FAT4: variants seen among roughly 807,000 people sequenced by gnomAD.
FAT4 encodes FAT atypical cadherin 4.
FAT4 carries 84 observed loss-of-function variants against 303.9 expected under a neutral mutation model. The observed-to-expected ratio is 0.28, with a 90% CI of 0.23 to 0.33. The LOEUF is 0.33. FAT4 is among the 10% of genes least tolerant of loss of function. FAT4 has a pLI of 1.00. For missense variants in FAT4, 6,005 were observed against 6,146.8 expected, an observed-to-expected ratio of 0.98 and a Z score of 0.77; for synonymous variants, 2,307 against 2,298.8, an observed-to-expected ratio of 1.00 and a Z score of -0.10.
At chr4:125,456,477 T>C in intron 10 of FAT4, among the ~76,000 whole-genome samples, 1 of 151,994 alleles carries the variant, frequency 6.6e-6, no homozygotes, top group Non-Finnish European at 1.5e-5. Flanking sequence ...TTAAATCAAG[T>C]TTCAAATTCT....
intron 10 of FAT4, among the ~76,000 whole-genome samples, chr4:125,455,302 AATG>A (rs1340543751): frequency 1.3e-5 from 2 of 152,192 alleles, no homozygotes; most frequent in African/African-American, 4.8e-5. Context: ...TTTTAGCATA[AATG>A]ATGAGTAAGT....
chr4:125,325,303 A>G, intron 2 of FAT4, among the ~76,000 whole-genome samples: 1 of 152,148 alleles, frequency 6.6e-6, no homozygotes, highest in East Asian at 1.9e-4. Context: ...TATTGGTGTA[A>G]CTGATAAGGA....
rs1324264672 is a variant in FAT4 at position 125,451,463 on chromosome 4, G to A, written c.10453G>A (p.Val3485Ile). The A allele has an allele frequency of 1.2e-6, 2 of 1,614,010 alleles. No individual in the cohort carries two copies. Among genetic ancestry groups the A allele is most frequent in the Admixed American group, 1.7e-5 (1 of 59,990 alleles). Residue 3485 changes from valine (V) to isoleucine (I), a missense_variant, in exon 10 of 18, where the codon GTT (valine) becomes ATT (isoleucine). Physicochemically the swap from Val to Ile is conservative, Grantham distance 29 (BLOSUM62 3). Transcript: ENST00000394329. ...CATCTATAATCTCTCAGTTTTGGCT[G>A]TTGATTCAGGGACCCCCTCAGCTAC... is the stretch of plus-strand genomic sequence containing the variant. The part of the protein sequence containing the change: ...LPIYNLSVLA[V>I]DSGTPSATGS...
chr4:125,322,629 A>G (rs535116244), intron 2 of FAT4, among the ~76,000 whole-genome samples: 1 of 152,112 alleles, frequency 6.6e-6, no homozygotes, highest in African/African-American at 2.4e-5. Flanking sequence ...CAGACACAAC[A>G]TGCAAGTGAA....
chr4:125,406,494 C>T (rs760754934), intron 3 of FAT4, among the ~76,000 whole-genome samples: 5 of 152,010 alleles, frequency 3.3e-5, no homozygotes, highest in Admixed American at 1.3e-4. Context: ...TTTGTGGTTT[C>T]GTATGAATTT....
intron 8 of FAT4, among the ~76,000 whole-genome samples, chr4:125,439,102 T>C (rs554979133): frequency 6.6e-6 from 1 of 152,314 alleles, no homozygotes; most frequent in Non-Finnish European, 1.5e-5. Context: ...CCTTTAGTAT[T>C]TTCCCTTATA....
At chr4:125,368,879 A>T (rs1269171775) in intron 2 of FAT4, among the ~76,000 whole-genome samples, 5 of 152,144 alleles carry the variant, frequency 3.3e-5, no homozygotes, top group Admixed American at 3.3e-4. Flanking sequence ...TACTTGAAGG[A>T]ATTTAAAGTT....
At chr4:125,489,330 C>T (rs1056988053) in intron 17 of FAT4, among the ~76,000 whole-genome samples, 2 of 152,176 alleles carry the variant, frequency 1.3e-5, no homozygotes, top group Admixed American at 6.5e-5. Context: ...ATCCCCAAGT[C>T]ATAAAATGTT....
chr4:125,468,420 T>A, intron 11 of FAT4, 92 bp from the exon 12 acceptor site: 1 of 932,072 alleles, frequency 1.1e-6, no homozygotes, highest in Non-Finnish European at 1.5e-6. Context: ...TTAAAAGATA[T>A]CTCATTTTAT....
chr4:125,446,522 A>T lies in FAT4; in HGVS notation c.7429A>T (p.Ile2477Phe), dbSNP rs765481729. The T allele has an allele frequency of 1.9e-6, 3 of 1,611,970 alleles. 1 individual carries two copies. Among genetic ancestry groups the T allele is most frequent in the Non-Finnish European group, 2.5e-6 (3 of 1,178,372 alleles). The change falls in exon 9 of 18, where the codon ATC becomes TTC. Residue 2477 changes from isoleucine (I) to phenylalanine (F), a missense_variant. Physicochemically the swap from Ile to Phe is conservative, Grantham distance 21. Transcript: ENST00000394329. ...TCAGCATCACCCATATGTCACTCAC[A>T]TCCCATCTCCTACTCTTCCAGGTAA... is the stretch of plus-strand genomic sequence containing the variant. The part of the protein sequence containing the change: ...RFQHHPYVTH[I>F]PSPTLPGSFV...
chr4:125,398,738 C>T (rs748254366), intron 2 of FAT4, 46 bp from the exon 3 acceptor site: 18 of 1,595,016 alleles, frequency 1.1e-5, no homozygotes, highest in Non-Finnish European at 1.5e-5. Context: ...TGGTATCTTG[C>T]AGACACGTGG....
At chr4:125,424,744 A>G (rs1315672482) in intron 7 of FAT4, among the ~76,000 whole-genome samples, 1 of 152,220 alleles carries the variant, frequency 6.6e-6, no homozygotes, top group Non-Finnish European at 1.5e-5. Flanking sequence ...TAAAAAATAA[A>G]CAATATAGTA....
chr4:125,403,420 C>G (rs1734464591), intron 3 of FAT4, among the ~76,000 whole-genome samples: 1 of 152,000 alleles, frequency 6.6e-6, no homozygotes, highest in Non-Finnish European at 1.5e-5. Flanking sequence ...AGAAATATCT[C>G]TCTTCCTTCT....
chr4:125,415,199 G>A lies in FAT4; in HGVS notation c.6236G>A (p.Ser2079Asn). ...AAAGCTCAAGCAACTGACCCAGATA[G>A]TGGCCCAAACAGCTATATTGAGTAC... ...VFKAQATDPD[S>N]GPNSYIEYTL... The change falls in exon 6 of 18, where the codon AGT becomes AAT. Residue 2079 changes from serine to asparagine, a missense_variant. Ser to Asn is a conservative substitution (Grantham distance 46). Coordinates refer to ENST00000394329, the MANE Select transcript of FAT4 (RefSeq NM_001291303.3). The A allele has an allele frequency of 6.2e-7, 1 of 1,614,082 alleles. No individual in the cohort carries two copies. The highest frequency in any genetic ancestry group is 8.5e-7 in the Non-Finnish European group (1 of 1,179,982).
chr4:125,321,628 T>G, intron 2 of FAT4, 42 bp downstream of exon 2: 1 of 1,520,866 alleles, frequency 6.6e-7, no homozygotes. Flanking sequence ...GATTTGCTTT[T>G]TAGAAAAATC....
At chr4:125,403,541 T>A (rs545617520) in intron 3 of FAT4, among the ~76,000 whole-genome samples, 3 of 152,106 alleles carry the variant, frequency 2.0e-5, no homozygotes, top group Non-Finnish European at 4.4e-5. Flanking sequence ...TGAACGACTC[T>A]TGTGGCTTCA....
At chr4:125,342,489 C>T (rs2125969598) in intron 2 of FAT4, among the ~76,000 whole-genome samples, 1 of 152,008 alleles carries the variant, frequency 6.6e-6, no homozygotes, top group East Asian at 1.9e-4. Context: ...CATATTTTTA[C>T]ATTTATTATA....
chr4:125,469,775 A>G (rs1726795811), intron 12 of FAT4, among the ~76,000 whole-genome samples: 1 of 152,178 alleles, frequency 6.6e-6, no homozygotes, highest in Non-Finnish European at 1.5e-5. Context: ...GGAAGCCCTC[A>G]AGCTCATCCA....
chr4:125,376,051 G>A (rs2125995070), intron 2 of FAT4, among the ~76,000 whole-genome samples: 1 of 152,302 alleles, frequency 6.6e-6, no homozygotes, highest in African/African-American at 2.4e-5. Context: ...ACTTGTAATG[G>A]AGAGCTTAAT....
Sources: allele counts gnomAD v4.1 joint callset (sites outside exome capture counted in the v4.1 genomes callset), GRCh38; gene constraint gnomAD v4.1.1; transcripts MANE v1.5; gene names NCBI Gene and HGNC (gene_info 2026-07-23, HGNC 2026-07-21).